The following TENM2 variants were observed in gnomAD, a reference collection of about 807,000 sequenced individuals.
The protein encoded by TENM2 is teneurin transmembrane protein 2, also known as teneurin-2.
TENM2 carries 52 observed loss-of-function variants against 245.2 expected under a neutral mutation model. The ratio of observed to expected loss-of-function variants is 0.21; its 90% CI spans 0.17 to 0.27. The LOEUF is 0.27. Among genes scored for constraint, TENM2 ranks in the 10% least tolerant of loss-of-function variants. The pLI, the probability that TENM2 is intolerant of heterozygous loss-of-function variation, is 1.00. For synonymous variants in TENM2, 1,363 were observed against 1,438.9 expected, an observed-to-expected ratio of 0.95 and a Z score of 1.19; for missense variants, 3,046 against 3,666.8, an observed-to-expected ratio of 0.83 and a Z score of 4.37.
At chr5:167,671,894 A>C (rs972514639) in intron 2 of TENM2, among the ~76,000 whole-genome samples, 1 of 151,978 alleles carries the variant, frequency 6.6e-6, no homozygotes, top group African/African-American at 2.4e-5. Context: ...TCTGGGCTAT[A>C]AACATTTCAA....
At chr5:167,397,671 C>T (rs984916761) in intron 2 of TENM2, among the ~76,000 whole-genome samples, 48 of 152,170 alleles carry the variant, frequency 3.2e-4, no homozygotes, top group African/African-American at 1.1e-3. Flanking sequence ...AAATATGTAT[C>T]TTATTCATAG....
At chr5:168,126,834 G>C in exon 12 of TENM2, 5 of 1,612,896 alleles carry the variant, frequency 3.1e-6, no homozygotes, top group Non-Finnish European at 4.2e-6. Flanking sequence ...GACAGGCGCA[G>C]CGTGTGACCA....
the TENM2 span, among the ~76,000 whole-genome samples, chr5:167,163,067 A>G: frequency 1.3e-5 from 2 of 152,186 alleles, no homozygotes; most frequent in Non-Finnish European, 2.9e-5. Context: ...AGGAACCACC[A>G]AATAAATGGC....
At chr5:167,584,468 G>T (rs2127690045) in intron 2 of TENM2, among the ~76,000 whole-genome samples, 1 of 152,308 alleles carries the variant, frequency 6.6e-6, no homozygotes, top group Admixed American at 6.5e-5. Context: ...AGTCTGATTG[G>T]TTGGGGGAGG....
At chr5:167,659,905 A>G (rs1755095440) in intron 2 of TENM2, among the ~76,000 whole-genome samples, 1 of 152,196 alleles carries the variant, frequency 6.6e-6, no homozygotes, top group East Asian at 1.9e-4. Context: ...AGTAAGTTGC[A>G]TATCAGTGCC....
At chr5:167,937,257 C>T (rs193292989) in intron 3 of TENM2, among the ~76,000 whole-genome samples, 1 of 152,318 alleles carries the variant, frequency 6.6e-6, no homozygotes, top group East Asian at 1.9e-4. Context: ...AATTACTATA[C>T]TTTGTTTATT....
intron 12 of TENM2, among the ~76,000 whole-genome samples, chr5:168,158,510 T>C (rs1041985261): frequency 2.6e-5 from 4 of 152,026 alleles, no homozygotes; most frequent in Admixed American, 1.3e-4. Context: ...TGTCTAGGGC[T>C]AGGTTTCTCA....
intron 12 of TENM2, among the ~76,000 whole-genome samples, chr5:168,145,406 C>T (rs1239007785): frequency 1.5e-5 from 2 of 134,820 alleles, no homozygotes; most frequent in East Asian, 2.1e-4. Flanking sequence ...TATGGCTAGC[C>T]AGTTTTCCCA....
chr5:167,367,291 GTC>G (rs1760117013), intron 1 of TENM2, among the ~76,000 whole-genome samples: 1 of 152,036 alleles, frequency 6.6e-6, no homozygotes, highest in South Asian at 2.1e-4. Flanking sequence ...AAAATAATGA[GTC>G]TAAAAGTTTA....
the TENM2 span, among the ~76,000 whole-genome samples, chr5:167,113,750 A>G: frequency 6.6e-6 from 1 of 152,198 alleles, no homozygotes; most frequent in Non-Finnish European, 1.5e-5. Context: ...TGATGACAAA[A>G]GCAATACATA....
chr5:167,108,481 C>G, the TENM2 span, among the ~76,000 whole-genome samples: 1 of 152,186 alleles, frequency 6.6e-6, no homozygotes, highest in Non-Finnish European at 1.5e-5. Flanking sequence ...AAAGCCAGCA[C>G]AGGGCCTTGC....
intron 2 of TENM2, among the ~76,000 whole-genome samples, chr5:167,810,839 C>A (rs1766583448): frequency 6.6e-6 from 1 of 152,098 alleles, no homozygotes. Context: ...GCTATTAAGG[C>A]CCTTCTCAAA....
At chr5:166,999,630 G>A in the TENM2 span, among the ~76,000 whole-genome samples, 2 of 152,142 alleles carry the variant, frequency 1.3e-5, no homozygotes, top group East Asian at 3.9e-4. Flanking sequence ...ACTGGAAGTG[G>A]GAAGGAAAGG....
At chr5:168,242,747 G>A (rs950621330) in intron 25 of TENM2, among the ~76,000 whole-genome samples, 9 of 152,200 alleles carry the variant, frequency 5.9e-5, no homozygotes, top group Non-Finnish European at 2.9e-5. Flanking sequence ...GAGGTCAGGA[G>A]TTCGAGACCA....
intron 2 of TENM2, chr5:167,821,132 A>G (rs1767489761): frequency 6.6e-6 from 1 of 152,182 alleles, no homozygotes; most frequent in Non-Finnish European, 1.5e-5. Flanking sequence ...TCCTTTGCCT[A>G]TACTCTGGTG....
At chr5:167,113,028 A>G in the TENM2 span, among the ~76,000 whole-genome samples, 1 of 152,220 alleles carries the variant, frequency 6.6e-6, no homozygotes, top group East Asian at 1.9e-4. Context: ...GGAGATGTGT[A>G]TATAAGGGAG....
At chr5:167,659,763 AC>A (rs1044226434) in intron 2 of TENM2, among the ~76,000 whole-genome samples, 4 of 152,124 alleles carry the variant, frequency 2.6e-5, no homozygotes, top group Admixed American at 6.5e-5. Context: ...GTTCGATTGT[AC>A]CTTCTAGTTA....
intron 3 of TENM2, among the ~76,000 whole-genome samples, chr5:167,890,198 T>C (rs1286635666): frequency 6.6e-6 from 1 of 152,100 alleles, no homozygotes; most frequent in Non-Finnish European, 1.5e-5. Context: ...CTTTCAAATA[T>C]CATGATTCTA....
chr5:168,226,313 G>A lies in TENM2; in HGVS notation c.5284+50G>A, dbSNP rs375165121. 1.7e-3 allele frequency: 2,688 copies of A among 1,560,286 alleles called. 3 individuals are homozygous for A. Among genetic ancestry groups the A allele is most frequent in the Non-Finnish European group, 2.2e-3 (2,479 of 1,143,908 alleles). ...ACCCCCAAACTCACCCATAGACCCA[G>A]AACCCAGCCAAGCCCAACATGTGAG... is the stretch of plus-strand genomic sequence containing the variant. On this transcript the variant is annotated intron_variant, in intron 24 of 28. Coordinates refer to ENST00000518659, the Ensembl canonical transcript of TENM2.
Sources: gnomAD v4.1 joint callset for allele counts (sites outside exome capture counted in the v4.1 genomes callset) on GRCh38, gnomAD v4.1.1 for gene constraint, MANE v1.5 for transcripts, NCBI Gene and HGNC (gene_info 2026-07-23, HGNC 2026-07-21) for gene names.